The following SLC9A9 variants were observed in gnomAD, a reference collection of about 807,000 sequenced individuals.
SLC9A9 encodes the protein sodium/hydrogen exchanger 9.
In SLC9A9, 62 loss-of-function variants were observed where a neutral mutation model predicts 77.8. The observed-to-expected ratio is 0.80, with a 90% CI of 0.65 to 0.98. SLC9A9 has a LOEUF of 0.98. Among genes scored for constraint, SLC9A9 ranks in the 50% least tolerant of loss-of-function variants. The probability of loss-of-function intolerance (pLI) is 0.00; values close to 1 mark genes in which losing one functional copy is unlikely to be tolerated. For missense variants in SLC9A9, 775 were observed against 774.9 expected, an observed-to-expected ratio of 1.00 and a Z score of 0.00; for synonymous variants, 320 against 283.5, an observed-to-expected ratio of 1.13 and a Z score of -1.29.
chr3:143,747,130 G>T (rs1401512735), intron 4 of SLC9A9, among the ~76,000 whole-genome samples: 2 of 152,192 alleles, frequency 1.3e-5, no homozygotes, highest in African/African-American at 4.8e-5. Flanking sequence ...TGCAGGCCAG[G>T]CAGGGTGGCT....
At chr3:143,517,305 C>T (rs546310327) in intron 9 of SLC9A9, 22 of 1,259,776 alleles carry the variant, frequency 1.7e-5, no homozygotes, top group Admixed American at 6.7e-5. Context: ...CCAGGCATTC[C>T]GGCCATTCCA....
Position 143,550,072 on chromosome 3 carries a change from G to A in SLC9A9, c.1089+2290C>T, listed in dbSNP as rs1451743234. On this transcript the variant is annotated intron_variant, in intron 9 of 15. Coordinates refer to ENST00000316549, the MANE Select transcript of SLC9A9 (RefSeq NM_173653.4). ...TGAGGCATTTGCAGTGATAGGCAGA[G>A]GGGAAGGGTGACCTCGCAGAGTCCC... Among the ~76,000 whole-genome samples, 7 of 152,164 alleles carry A rather than the reference G, an allele frequency of 4.6e-5. No homozygotes were observed. In the East Asian group the frequency reaches 1.3e-3, roughly 29 times the overall value.
chr3:143,834,145 T>C (rs192467775), intron 1 of SLC9A9, among the ~76,000 whole-genome samples: 68 of 152,354 alleles, frequency 4.5e-4, no homozygotes, highest in African/African-American at 1.5e-3. Flanking sequence ...TTATTATTCC[T>C]GCTTCAGTGT....
At chr3:143,824,940 C>T (rs1448369623) in intron 2 of SLC9A9, among the ~76,000 whole-genome samples, 1 of 152,158 alleles carries the variant, frequency 6.6e-6, no homozygotes, top group Non-Finnish European at 1.5e-5. Flanking sequence ...GCCCAAACAG[C>T]CTCATCCCAT....
intron 4 of SLC9A9, among the ~76,000 whole-genome samples, chr3:143,732,201 C>T (rs1934822806): frequency 6.6e-6 from 1 of 152,228 alleles, no homozygotes; most frequent in Non-Finnish European, 1.5e-5. Context: ...GGTAAGCACA[C>T]TGTGCCATGA....
intron 12 of SLC9A9, among the ~76,000 whole-genome samples, chr3:143,450,201 T>G (rs1258711391): frequency 7.4e-6 from 1 of 135,836 alleles, no homozygotes; most frequent in Non-Finnish European, 1.5e-5. Flanking sequence ...AATATATAAA[T>G]ATATAAATAA....
chr3:143,302,867 G>A (rs895307984), intron 14 of SLC9A9, among the ~76,000 whole-genome samples: 2 of 152,200 alleles, frequency 1.3e-5, no homozygotes, highest in Non-Finnish European at 2.9e-5. Context: ...TTTTCAAATT[G>A]CATAATCCTC....
intron 14 of SLC9A9, among the ~76,000 whole-genome samples, chr3:143,301,278 A>G (rs1457155259): frequency 2.6e-5 from 4 of 152,214 alleles, no homozygotes; most frequent in African/African-American, 7.2e-5. Context: ...GAAGTTGGTA[A>G]TATTCAAACT....
chr3:143,527,567 C>T (rs546001113), intron 9 of SLC9A9, among the ~76,000 whole-genome samples: 1 of 152,264 alleles, frequency 6.6e-6, no homozygotes, highest in East Asian at 1.9e-4. Flanking sequence ...CCTATAGATT[C>T]CCTGCTTCAG....
intron 4 of SLC9A9, among the ~76,000 whole-genome samples, chr3:143,713,565 G>A (rs1412181105): frequency 6.6e-6 from 1 of 152,222 alleles, no homozygotes; most frequent in Non-Finnish European, 1.5e-5. Flanking sequence ...AAAGAATGCA[G>A]TAGAAATGGA....
chr3:143,761,210 T>G (rs1211340511), intron 4 of SLC9A9, among the ~76,000 whole-genome samples: 1 of 152,204 alleles, frequency 6.6e-6, no homozygotes, highest in Non-Finnish European at 1.5e-5. Flanking sequence ...ATTAACGACT[T>G]AAATGTTAGA....
chr3:143,363,380 T>C, intron 14 of SLC9A9, 104 bp downstream of exon 14: 1 of 1,018,686 alleles, frequency 9.8e-7, no homozygotes, highest in Non-Finnish European at 1.5e-6. Context: ...ACTTTACCTT[T>C]TGGTGTTTCT....
intron 2 of SLC9A9, among the ~76,000 whole-genome samples, chr3:143,808,782 G>A (rs971485545): frequency 6.6e-6 from 1 of 151,728 alleles, no homozygotes; most frequent in Non-Finnish European, 1.5e-5. Flanking sequence ...TAATAGTGTG[G>A]TACCTAATTC....
rs1311832120 is a variant in SLC9A9, at chr3:143,265,899, A to T, written c.*803T>A. ...TCCAGCATATCGCGGGGAGGGGGGG[A>T]CCTGCTGCACAGCCAAGAAGTGACT... On this transcript the variant is annotated 3_prime_UTR_variant, in exon 16 of 16. Coordinates refer to ENST00000316549, the MANE Select transcript of SLC9A9 (RefSeq NM_173653.4). 1.7e-6 allele frequency: 1 copy of T among 605,238 alleles called. No individual in the cohort carries two copies. Among genetic ancestry groups the T allele is most frequent in the African/African-American group, 1.9e-5 (1 of 53,878 alleles). 37.5% of individuals were successfully genotyped at this position (605,238 alleles called of 1,614,324 possible). A position where few individuals can be genotyped will look rare whatever the true frequency, so the allele number is the denominator to read the frequency against.
At chr3:143,371,964 A>G in intron 13 of SLC9A9, 1 of 416,536 alleles carries the variant, frequency 2.4e-6, no homozygotes, top group Non-Finnish European at 4.8e-6. Context: ...AATCCCTTTT[A>G]CAACAGCTTC....
At chr3:143,359,080 T>C (rs541385208) in intron 14 of SLC9A9, among the ~76,000 whole-genome samples, 1 of 152,366 alleles carries the variant, frequency 6.6e-6, no homozygotes, top group South Asian at 2.1e-4. Context: ...TTATCCACTC[T>C]GTCTTGCTCT....
At chr3:143,756,234 C>T (rs2006919998) in intron 4 of SLC9A9, among the ~76,000 whole-genome samples, 1 of 152,206 alleles carries the variant, frequency 6.6e-6, no homozygotes. Context: ...GCCACAATCC[C>T]ATAACTAGAC....
intron 4 of SLC9A9, among the ~76,000 whole-genome samples, chr3:143,715,632 A>T (rs1934323308): frequency 6.6e-6 from 1 of 152,230 alleles, no homozygotes; most frequent in African/African-American, 2.4e-5. Flanking sequence ...TCCCTGGATC[A>T]TGGACACATA....
chr3:143,629,074 G>C (rs1382296706), intron 6 of SLC9A9, among the ~76,000 whole-genome samples: 5 of 152,172 alleles, frequency 3.3e-5, no homozygotes, highest in Admixed American at 6.5e-5. Flanking sequence ...TCTGCATGTA[G>C]AGAAGTTACT....
Sources: allele counts gnomAD v4.1 joint callset (sites outside exome capture counted in the v4.1 genomes callset), GRCh38; gene constraint gnomAD v4.1.1; transcripts MANE v1.5; gene names NCBI Gene and HGNC (gene_info 2026-07-23, HGNC 2026-07-21).